The following PTH2R variants were observed in gnomAD, a reference collection of about 807,000 sequenced individuals.
The protein encoded by PTH2R is parathyroid hormone 2 receptor, also known as PTH2 receptor.
A neutral mutation model predicts 60.3 loss-of-function variants in PTH2R; 59 were observed. The observed-to-expected ratio is 0.98, with a 90% CI of 0.79 to 1.22. PTH2R has a LOEUF of 1.22. PTH2R is among the 50% of genes most tolerant of loss of function. PTH2R has a pLI of 0.00. For synonymous variants in PTH2R, 256 were observed against 243.8 expected, an observed-to-expected ratio of 1.05 and a Z score of -0.47; for missense variants, 749 against 682.6, an observed-to-expected ratio of 1.10 and a Z score of -1.08.
chr2:208,482,344 C>A (rs1444707637), intron 10 of PTH2R, among the ~76,000 whole-genome samples: 1 of 152,134 alleles, frequency 6.6e-6, no homozygotes, highest in East Asian at 1.9e-4. Context: ...GGGGTCACCG[C>A]CTTCTGGTCC....
At position 208,430,649 on chromosome 2, in the gene PTH2R, C is replaced by A. The variant is rs558880290; in HGVS notation, c.178+2346C>A. ...GCAAGCTCCGCCTCCCGGGTTCACA[C>A]CATTCTCCTGCCTCAGCCTTCCGAG... is the stretch of plus-strand genomic sequence containing the variant. On this transcript the variant is annotated intron_variant, in intron 2 of 12. Transcript: ENST00000272847. Among the ~76,000 whole-genome samples, 6 of 151,948 alleles carry A rather than the reference C, an allele frequency of 3.9e-5. No homozygotes were observed. The South Asian group carries it at 1.0e-3, about 26-fold the overall frequency.
chr2:208,388,141 C>CCCT (rs1553541039), intron 1 of PTH2R, among the ~76,000 whole-genome samples: 1 of 150,314 alleles, frequency 6.7e-6, no homozygotes, highest in African/African-American at 2.4e-5. Flanking sequence ...AACCCCCCCC[C>CCCT]CCGTCTCTAC....
intron 1 of PTH2R, among the ~76,000 whole-genome samples, chr2:208,378,456 C>T (rs1302352353): frequency 1.3e-5 from 2 of 152,092 alleles, no homozygotes; most frequent in African/African-American, 4.8e-5. Flanking sequence ...TGATTGCCTT[C>T]CGTAGTTCCT....
chr2:208,417,269 A>G (rs1701658446), intron 1 of PTH2R, among the ~76,000 whole-genome samples: 1 of 152,166 alleles, frequency 6.6e-6, no homozygotes, highest in African/African-American at 2.4e-5. Context: ...ATACATTGTA[A>G]AATTAGTCTT....
At chr2:208,395,508 G>A (rs767377150) in intron 1 of PTH2R, among the ~76,000 whole-genome samples, 1 of 152,194 alleles carries the variant, frequency 6.6e-6, no homozygotes, top group Non-Finnish European at 1.5e-5. Flanking sequence ...ACAGAGGAAA[G>A]GGAAGAACTC....
At chr2:208,449,271 G>A (rs1702351781) in intron 7 of PTH2R, among the ~76,000 whole-genome samples, 1 of 152,100 alleles carries the variant, frequency 6.6e-6, no homozygotes, top group Non-Finnish European at 1.5e-5. Flanking sequence ...ATTCTTCATA[G>A]CACCAATTCA....
chr2:208,468,475 A>G (rs551343839), intron 9 of PTH2R, among the ~76,000 whole-genome samples: 4 of 152,236 alleles, frequency 2.6e-5, no homozygotes, highest in African/African-American at 9.6e-5. Context: ...AAAATCTAAC[A>G]TCTCTGATAA....
At chr2:208,482,441 T>A (rs1703175775) in intron 10 of PTH2R, among the ~76,000 whole-genome samples, 1 of 152,150 alleles carries the variant, frequency 6.6e-6, no homozygotes, top group Non-Finnish European at 1.5e-5. Context: ...TTTAGGGTCG[T>A]TTGATTATGA....
chr2:208,412,831 A>G (rs746831682), intron 1 of PTH2R, among the ~76,000 whole-genome samples: 1 of 152,242 alleles, frequency 6.6e-6, no homozygotes, highest in African/African-American at 2.4e-5. Flanking sequence ...TCAAAAGCAG[A>G]AACTACCCAC....
intron 4 of PTH2R, 56 bp downstream of exon 4, chr2:208,437,937 T>C: frequency 6.3e-7 from 1 of 1,576,310 alleles, no homozygotes; most frequent in Non-Finnish European, 8.7e-7. Context: ...AATATTTTAA[T>C]GCAATTCTCA....
rs1306960968 is a variant in PTH2R, at chr2:208,481,092, A to G, written c.1004A>G (p.Asn335Ser). The G allele has an allele frequency of 6.2e-7, 1 of 1,609,052 alleles. No homozygotes were observed. Among genetic ancestry groups the G allele is most frequent in the African/African-American group, 1.3e-5 (1 of 74,892 alleles). ...CAGCTGAATTTTATTCTGTTTCTGA[A>G]TACGGTTAGAGTTCTAGCTACCAAA... ...AIGLNFILFL[N>S]TVRVLATKIW... Residue 335 changes from asparagine (N) to serine (S), a missense_variant, in exon 10 of 13, where the codon AAT (asparagine) becomes AGT (serine). Transcript: ENST00000272847.
At position 208,407,081 on chromosome 2, in the gene PTH2R, GGCTAATGCTCGGCAGCT is replaced by G. The variant is rs1419406297; in HGVS notation, c.41_57del (p.Leu14ProfsTer10). The G allele has an allele frequency of 7.2e-7, 1 of 1,397,386 alleles. No homozygotes were observed. Among genetic ancestry groups the G allele is most frequent in the Non-Finnish European group, 9.4e-7 (1 of 1,068,856 alleles). 86.6% of individuals were successfully genotyped at this position (1,397,386 alleles called of 1,614,324 possible). A position where few individuals can be genotyped will look rare whatever the true frequency, so the allele number is the denominator to read the frequency against. ...GGGGCGTCGCTCCACGTCTGGGGTT[GGCTAATGCTCGGCAGCT>G]GCCTCCTGGCCAGAGCCCAGGTAAG... On this transcript the variant is annotated frameshift_variant, in exon 1 of 13. Coordinates refer to ENST00000272847, the MANE Select transcript of PTH2R (RefSeq NM_005048.4). LOFTEE classifies it high-confidence loss of function.
At chr2:208,447,924 A>T (rs926634812) in intron 7 of PTH2R, among the ~76,000 whole-genome samples, 1 of 152,226 alleles carries the variant, frequency 6.6e-6, no homozygotes, top group South Asian at 2.1e-4. Flanking sequence ...TTAATTCTGT[A>T]TGTAAAAGGT....
At chr2:208,463,792 A>C (rs1344592918) in intron 9 of PTH2R, among the ~76,000 whole-genome samples, 1 of 152,240 alleles carries the variant, frequency 6.6e-6, no homozygotes, top group African/African-American at 2.4e-5. Flanking sequence ...TCTACCTTGT[A>C]TATCAGGAAG....
Position 208,437,795 on chromosome 2 carries a change from T to C in PTH2R, c.325T>C (p.Trp109Arg). 1 of 1,613,940 alleles carries C rather than the reference T, an allele frequency of 6.2e-7. No individual in the cohort carries two copies. The highest frequency in any genetic ancestry group is 1.7e-5 in the Admixed American group (1 of 60,006). Residue 109 changes from tryptophan to arginine, a missense_variant, in exon 4 of 13, where the codon TGG becomes CGG. Physicochemically the swap from Trp to Arg is moderately radical, Grantham distance 101. Transcript: ENST00000272847. ...AFRHCNPNGT[W>R]DFMHSLNKTW... ...CCGACACTGTAACCCCAATGGAACA[T>C]GGGATTTTATGCACAGCTTAAATAA... is the stretch of plus-strand genomic sequence containing the variant.
intron 7 of PTH2R, among the ~76,000 whole-genome samples, chr2:208,445,185 A>G (rs551365341): frequency 6.6e-6 from 1 of 152,296 alleles, no homozygotes; most frequent in South Asian, 2.1e-4. Context: ...CACATGTACA[A>G]CTAAATGTCA....
intron 6 of PTH2R, among the ~76,000 whole-genome samples, chr2:208,444,175 A>C (rs1323122805): frequency 6.6e-6 from 1 of 152,198 alleles, no homozygotes; most frequent in Non-Finnish European, 1.5e-5. Flanking sequence ...TTTCCCCAAC[A>C]GAAGGAAGTG....
At position 208,484,992 on chromosome 2, in the gene PTH2R, A is replaced by T. The variant is rs559289217; in HGVS notation, c.1076+3828A>T. Among the ~76,000 whole-genome samples, 12 of 152,254 alleles carry T rather than the reference A, an allele frequency of 7.9e-5. 3 individuals carry two copies. Among genetic ancestry groups the T allele is most frequent in the African/African-American group, 2.6e-4 (11 of 41,566 alleles). ...CCAATTTAGGTGGGGATGGGTAGAGACAGAGAGAGTGGGAGAGATAGATAC... is the reference window on the plus strand; with the variant it reads ...CCAATTTAGGTGGGGATGGGTAGAGTCAGAGAGAGTGGGAGAGATAGATAC... On this transcript the variant is annotated intron_variant, in intron 10 of 12. Transcript: ENST00000272847.
At chr2:208,436,981 C>T (rs754280691) in intron 2 of PTH2R, among the ~76,000 whole-genome samples, 23 of 152,048 alleles carry the variant, frequency 1.5e-4, no homozygotes, top group Non-Finnish European at 2.9e-4. Flanking sequence ...ATCGTGGTGA[C>T]AGTAGATGTT....
Sources: allele counts gnomAD v4.1 joint callset (sites outside exome capture counted in the v4.1 genomes callset), GRCh38; gene constraint gnomAD v4.1.1; transcripts MANE v1.5; gene names NCBI Gene and HGNC (gene_info 2026-07-23, HGNC 2026-07-21).